ME1: variants seen among roughly 807,000 people sequenced by gnomAD.
ME1 encodes NADP-dependent malic enzyme.
ME1 carries 74 observed loss-of-function variants against 66.4 expected under a neutral mutation model. The observed-to-expected ratio is 1.11, with a 90% CI of 0.92 to 1.35. ME1 has a LOEUF of 1.35. ME1 is among the 40% of genes most tolerant of loss of function. The pLI is 0.00. For synonymous variants in ME1, 251 were observed against 235.6 expected (o/e 1.07, Z -0.60); for missense variants, 750 against 694.1 (o/e 1.08, Z -0.90).
chr6:83,352,144 A>AG lies in ME1; in HGVS notation c.363-6dup. 2 of 1,290,558 alleles carry AG rather than the reference A, an allele frequency of 1.5e-6. No individual in the cohort carries two copies. Among genetic ancestry groups the AG allele is most frequent in the Non-Finnish European group, 1.0e-6 (1 of 975,364 alleles). 79.9% of individuals were successfully genotyped at this position (1,290,558 alleles called of 1,614,324 possible). A position where few individuals can be genotyped will look rare whatever the true frequency, so the allele number is the denominator to read the frequency against. On this transcript the variant is annotated splice_region_variant and splice_polypyrimidine_tract_variant and intron_variant, in intron 3 of 13. Coordinates refer to ENST00000369705, the MANE Select transcript of ME1 (RefSeq NM_002395.6). ...TGGATAGTAATAAAGAGACCTCTGC[A>AG]GAAAAAAAAAAAAAAAAAGGAGTAG...
intron 3 of ME1, among the ~76,000 whole-genome samples, chr6:83,385,911 A>G (rs1769495422): frequency 6.6e-6 from 1 of 151,868 alleles, no homozygotes; most frequent in Non-Finnish European, 1.5e-5. Flanking sequence ...ATCATCATCT[A>G]TATCTCTATA....
chr6:83,390,251 T>G (rs1040016559), intron 3 of ME1, among the ~76,000 whole-genome samples: 2 of 152,186 alleles, frequency 1.3e-5, no homozygotes, highest in African/African-American at 2.4e-5. Flanking sequence ...CTTGAAGTAC[T>G]TTTAACCCTT....
chr6:83,260,739 G>T (rs1446186838), intron 6 of ME1, among the ~76,000 whole-genome samples: 1 of 152,160 alleles, frequency 6.6e-6, no homozygotes, highest in Admixed American at 6.5e-5. Context: ...AGGGATAATG[G>T]CCTCCAGCTC....
At position 83,210,911 on chromosome 6, in the gene ME1, TTAATTA is replaced by T. The variant is rs1789859501; in HGVS notation, c.*1007_*1012del. On this transcript the variant is annotated 3_prime_UTR_variant, in exon 14 of 14. Coordinates refer to ENST00000369705, the MANE Select transcript of ME1 (RefSeq NM_002395.6). ...TAAGGACATTTCTGATACTGGGAAC[TTAATTA>T]TAATACTTTCTCCAAATTCAGGCAA... is the stretch of plus-strand genomic sequence containing the variant. The T allele has an allele frequency of 3.9e-5, 6 of 152,354 alleles. No homozygotes were observed. The South Asian group carries it at 1.2e-3, about 32-fold the overall frequency. The allele number at this position is 152,354 out of a possible 1,614,324, so 9.4% of individuals were successfully genotyped here.
chr6:83,261,711 C>G (rs940646983), intron 6 of ME1, among the ~76,000 whole-genome samples: 1 of 151,756 alleles, frequency 6.6e-6, no homozygotes, highest in Non-Finnish European at 1.5e-5. Flanking sequence ...AAGCACAAAA[C>G]GTGAAGTATG....
At chr6:83,259,238 G>A (rs912494155) in intron 6 of ME1, among the ~76,000 whole-genome samples, 1 of 152,136 alleles carries the variant, frequency 6.6e-6, no homozygotes, top group African/African-American at 2.4e-5. Flanking sequence ...ATAATGTATT[G>A]AAGCTTGAGA....
At chr6:83,234,084 G>A (rs1313326487) in intron 9 of ME1, among the ~76,000 whole-genome samples, 2 of 152,086 alleles carry the variant, frequency 1.3e-5, no homozygotes, top group African/African-American at 4.8e-5. Context: ...CTACTTCACA[G>A]TTATTCCAAG....
intron 6 of ME1, among the ~76,000 whole-genome samples, chr6:83,273,339 A>C (rs578097817): frequency 2.0e-5 from 3 of 152,280 alleles, no homozygotes; most frequent in African/African-American, 7.2e-5. Flanking sequence ...TTGACTAAAA[A>C]TATACAGGAA....
rs1768815132 is a variant in ME1, at chr6:83,352,147, A to G, written c.363-8T>C. 1.2e-6 allele frequency: 1 copy of G among 855,306 alleles called. No homozygotes were observed. The highest frequency in any genetic ancestry group is 6.4e-5 in the Admixed American group (1 of 15,682). 53.0% of individuals were successfully genotyped at this position (855,306 alleles called of 1,614,324 possible). A position where few individuals can be genotyped will look rare whatever the true frequency, so the allele number is the denominator to read the frequency against. On this transcript the variant is annotated splice_region_variant and splice_polypyrimidine_tract_variant and intron_variant, in intron 3 of 13. Coordinates refer to ENST00000369705, the MANE Select transcript of ME1 (RefSeq NM_002395.6). Reference sequence around the variant, plus strand: ...ATAGTAATAAAGAGACCTCTGCAGAAAAAAAAAAAAAAAAAGGAGTAGTTT... The same window carrying G: ...ATAGTAATAAAGAGACCTCTGCAGAGAAAAAAAAAAAAAAAGGAGTAGTTT...
chr6:83,372,908 G>A (rs1047424543), intron 3 of ME1, among the ~76,000 whole-genome samples: 4 of 152,072 alleles, frequency 2.6e-5, no homozygotes, highest in African/African-American at 7.2e-5. Flanking sequence ...TATGTCCACC[G>A]GAAAGAAAGA....
intron 5 of ME1, among the ~76,000 whole-genome samples, chr6:83,333,847 GA>G (rs942381585): frequency 9.9e-5 from 15 of 151,780 alleles, no homozygotes; most frequent in South Asian, 2.1e-4. Context: ...TCAGTTTTTA[GA>G]AAAAAAATAC....
At chr6:83,346,448 A>G (rs1768688900) in intron 4 of ME1, 114 bp from the exon 5 acceptor site, 1 of 576,414 alleles carries the variant, frequency 1.7e-6, no homozygotes, top group Admixed American at 3.8e-5. Context: ...TAAAAAACAT[A>G]AATTGAATAT....
At chr6:83,298,682 G>A (rs1021659267) in intron 6 of ME1, among the ~76,000 whole-genome samples, 1 of 151,732 alleles carries the variant, frequency 6.6e-6, no homozygotes, top group Non-Finnish European at 1.5e-5. Flanking sequence ...TTTCTTCTAG[G>A]GTTTTTATAG....
At chr6:83,349,654 G>A (rs755855563) in intron 4 of ME1, among the ~76,000 whole-genome samples, 42 of 151,996 alleles carry the variant, frequency 2.8e-4, no homozygotes, top group Non-Finnish European at 8.8e-5. Context: ...CTGCTTTCTT[G>A]AAACTATTCT....
In ME1 at chr6:83,354,711, C is replaced by T. The variant is rs138211206; in HGVS notation, c.363-2572G>A. ...TGTTAACTGTCTGTGTCTTCCCTGG[C>T]ATCATCACCCAGCGTACATGTACAC... is the stretch of plus-strand genomic sequence containing the variant. On this transcript the variant is annotated intron_variant, in intron 3 of 13. Transcript: ENST00000369705. Among the ~76,000 whole-genome samples, 26 of 152,280 alleles carry T rather than the reference C, an allele frequency of 1.7e-4. No individual in the cohort carries two copies. In the East Asian group the frequency reaches 4.8e-3, roughly 28 times the overall value.
intron 7 of ME1, among the ~76,000 whole-genome samples, chr6:83,242,433 A>G (rs1428575740): frequency 1.3e-5 from 2 of 152,208 alleles, no homozygotes; most frequent in African/African-American, 4.8e-5. Flanking sequence ...TACTAAATAG[A>G]TTGGGTAAAA....
intron 7 of ME1, among the ~76,000 whole-genome samples, chr6:83,253,078 C>T (rs1180193): frequency 0.96 from 145,546 of 152,208 alleles, 69,637 homozygotes; most frequent in East Asian, 1. Flanking sequence ...TGAAACAGAA[C>T]CTGTAAGATT....
At chr6:83,252,221 G>GT (rs1258900008) in intron 7 of ME1, among the ~76,000 whole-genome samples, 1 of 152,166 alleles carries the variant, frequency 6.6e-6, no homozygotes, top group African/African-American at 2.4e-5. Flanking sequence ...AGTAGGTTAA[G>GT]TAGGAGATAA....
intron 13 of ME1, among the ~76,000 whole-genome samples, chr6:83,214,347 G>C (rs2128522240): frequency 6.6e-6 from 1 of 151,438 alleles, no homozygotes; most frequent in African/African-American, 2.4e-5. Flanking sequence ...ATATTTTATT[G>C]CTTTCCTAAT....
Sources: gnomAD v4.1 joint callset for allele counts (sites outside exome capture counted in the v4.1 genomes callset) on GRCh38, gnomAD v4.1.1 for gene constraint, MANE v1.5 for transcripts, NCBI Gene and HGNC (gene_info 2026-07-23, HGNC 2026-07-21) for gene names.